ACVRL1: variants seen among roughly 807,000 people sequenced by gnomAD.
ACVRL1 encodes activin A receptor like type 1.
ACVRL1 carries 20 observed loss-of-function variants against 51.9 expected under a neutral mutation model. That is an observed-to-expected ratio of 0.39 (90% CI 0.27 to 0.56). ACVRL1 has a LOEUF of 0.56. Ranked by LOEUF, ACVRL1 falls within the 20% of genes least tolerant of loss-of-function variation. The pLI is 0.67. For synonymous variants in ACVRL1, 288 were observed against 280.9 expected (o/e 1.03, Z -0.25); for missense variants, 451 against 670.3 (o/e 0.67, Z 3.61).
rs753624883 is a variant in ACVRL1 at position 51,913,326 on chromosome 12, CACA to C, written c.292_294del (p.Asn98del). On this transcript the variant is annotated inframe_deletion, in exon 3 of 10. Transcript: ENST00000388922. ...CTGCTGCGACAGCCACCTCTGCAAC[CACA>C]ACGTGTCCCTGGTGCTGGAGGGTAC... 2.5e-6 allele frequency: 4 copies of C among 1,612,352 alleles called. No individual in the cohort carries two copies. The highest frequency in any genetic ancestry group is 3.4e-6 in the Non-Finnish European group (4 of 1,179,570).
intron 9 of ACVRL1, among the ~76,000 whole-genome samples, chr12:51,919,786 A>G (rs1940926543): frequency 6.6e-6 from 1 of 152,144 alleles, no homozygotes; most frequent in Admixed American, 6.5e-5. Context: ...TTGTACAAAG[A>G]CACACACACG....
intron 1 of ACVRL1, among the ~76,000 whole-genome samples, chr12:51,909,522 T>C (rs1364580520): frequency 6.6e-6 from 1 of 151,702 alleles, no homozygotes; most frequent in Non-Finnish European, 1.5e-5. Flanking sequence ...ACAAAAACGC[T>C]GTCTTCATTT....
chr12:51,909,325 C>A (rs1940648877), intron 1 of ACVRL1, among the ~76,000 whole-genome samples: 1 of 152,012 alleles, frequency 6.6e-6, no homozygotes, highest in Admixed American at 6.5e-5. Flanking sequence ...CATAGTGAGA[C>A]CCTATCTCTA....
chr12:51,913,379 C>A, intron 3 of ACVRL1, 29 bp downstream of exon 3: 1 of 1,608,684 alleles, frequency 6.2e-7, no homozygotes, highest in South Asian at 1.1e-5. Flanking sequence ...GCACTCCCTC[C>A]CCATCTTCTT....
chr12:51,908,868 C>G (rs1180991216), intron 1 of ACVRL1, among the ~76,000 whole-genome samples: 1 of 152,202 alleles, frequency 6.6e-6, no homozygotes, highest in Non-Finnish European at 1.5e-5. Flanking sequence ...AGAGCCCACA[C>G]CCTAACCTCT....
In ACVRL1 at chr12:51,921,012, C is replaced by G; in HGVS notation, c.*119C>G. The stretch of plus-strand genomic sequence containing the variant: ...GGTGTGTGCTGGGGATGGGCAGCTG[C>G]GCCTGCCTGCTCGGCCCCCAGCCCA... On this transcript the variant is annotated 3_prime_UTR_variant, in exon 10 of 10. Transcript: ENST00000388922. 3 of 1,252,306 alleles carry G rather than the reference C, an allele frequency of 2.4e-6. No individual in the cohort carries two copies. Among genetic ancestry groups the G allele is most frequent in the Non-Finnish European group, 3.4e-6 (3 of 891,396 alleles). 77.6% of individuals were successfully genotyped at this position (1,252,306 alleles called of 1,614,324 possible). A position where few individuals can be genotyped will look rare whatever the true frequency, so the allele number is the denominator to read the frequency against.
chr12:51,909,917 T>C (rs979238247), intron 1 of ACVRL1, among the ~76,000 whole-genome samples: 1 of 152,220 alleles, frequency 6.6e-6, no homozygotes, highest in Non-Finnish European at 1.5e-5. Flanking sequence ...TGGCCAACAA[T>C]AGTGATGCTT....
chr12:51,916,958 A>C (rs1265698302), intron 8 of ACVRL1, among the ~76,000 whole-genome samples: 3 of 152,248 alleles, frequency 2.0e-5, no homozygotes, highest in Non-Finnish European at 4.4e-5. Context: ...TGGGCGACAG[A>C]GTGAGACCCT....
rs771469803 is a variant in ACVRL1 at position 51,913,964 on chromosome 12, G to A, written c.526-10G>A. The A allele has an allele frequency of 1.4e-5, 23 of 1,612,132 alleles. No individual in the cohort carries two copies. The highest frequency in any genetic ancestry group is 5.3e-5 in the African/African-American group (4 of 74,866). On this transcript the variant is annotated splice_polypyrimidine_tract_variant and intron_variant, in intron 4 of 9. Transcript: ENST00000388922. Reference sequence around the variant, plus strand: ...GTGGCAGCCTCTCAGTGGCCTCTCCGTACCCCCAGGACCTCCTGGACAGTG... The same window carrying A: ...GTGGCAGCCTCTCAGTGGCCTCTCCATACCCCCAGGACCTCCTGGACAGTG...
chr12:51,915,574 G>A, intron 7 of ACVRL1, 74 bp downstream of exon 7: 1 of 1,524,302 alleles, frequency 6.6e-7, no homozygotes. Context: ...CTTTGCCTGT[G>A]GGCGGTGACC....
chr12:51,908,675 C>T (rs897743511), intron 1 of ACVRL1, among the ~76,000 whole-genome samples: 1 of 152,146 alleles, frequency 6.6e-6, no homozygotes, highest in African/African-American at 2.4e-5. Context: ...CATTTCAGTG[C>T]TTACTGTGTA....
Position 51,914,933 on chromosome 12 carries a change from G to A in ACVRL1, c.773-292G>A, listed in dbSNP as rs117087866. On this transcript the variant is annotated intron_variant, in intron 6 of 9. Transcript: ENST00000388922. ...TAACTTTTTTATTTTTTGTAGAGAC[G>A]AGGTCTCCCTATGTTTCCCAGACTG... Among the ~76,000 whole-genome samples, 3,817 of 151,920 alleles carry A rather than the reference G, an allele frequency of 0.025. 51 individuals carry two copies. The highest frequency in any genetic ancestry group is 0.041 in the Non-Finnish European group (2,764 of 67,956).
chr12:51,916,507 G>A (rs752743953), intron 8 of ACVRL1, among the ~76,000 whole-genome samples: 2 of 152,250 alleles, frequency 1.3e-5, no homozygotes, highest in African/African-American at 4.8e-5. Context: ...GCTTAAATAT[G>A]TGCCAGATGC....
At position 51,913,148 on chromosome 12, in the gene ACVRL1, G is replaced by A. The variant is rs781586192; in HGVS notation, c.111G>A (p.Glu37=). Reference sequence around the variant, plus strand: ...GCCCGCTGGTGACCTGCACGTGTGAGAGCCCACATTGCAAGGGGCCTACCT... The same window carrying A: ...GCCCGCTGGTGACCTGCACGTGTGAAAGCCCACATTGCAAGGGGCCTACCT... ...SRGPLVTCTC[E]SPHCKGPTCR... is the part of the protein sequence containing the mutation. The change falls in exon 3 of 10, where the codon GAG becomes GAA. Residue 37 remains glutamate, a synonymous_variant. Transcript: ENST00000388922. 8.7e-6 allele frequency: 14 copies of A among 1,607,170 alleles called. No individual in the cohort carries two copies. The Admixed American group carries it at 2.4e-4, about 27-fold the overall frequency.
In ACVRL1 at chr12:51,917,272, T is replaced by C. The variant is rs771133409; in HGVS notation, c.1246+1039T>C. ...ACCTCTCTGGCCCTTGATTTCCTCATGCACGCAATGCATGTGAGTGCCTGC... is the reference window on the plus strand; with the variant it reads ...ACCTCTCTGGCCCTTGATTTCCTCACGCACGCAATGCATGTGAGTGCCTGC... On this transcript the variant is annotated intron_variant, in intron 8 of 9. Transcript: ENST00000388922. This position sits in a 1 kb window ranked among gnomAD's most constrained non-coding sequence, Gnocchi z 4.2. 6.6e-5 allele frequency among the ~76,000 whole-genome samples: 10 copies of C among 152,226 alleles called. No individual in the cohort carries two copies. The highest frequency in any genetic ancestry group is 1.3e-4 in the Admixed American group (2 of 15,288).
chr12:51,915,382 G>A lies in ACVRL1; in HGVS notation c.930G>A (p.Leu310=). Residue 310 remains leucine (L), a synonymous_variant, in exon 7 of 10, where the codon CTG becomes CTA. Transcript: ENST00000388922. ...TAGCTGTGTCCGCGGCATGCGGCCT[G>A]GCGCACCTGCACGTGGAGATCTTCG... ...LRLAVSAACG[L]AHLHVEIFGT... 1 of 1,614,042 alleles carries A rather than the reference G, an allele frequency of 6.2e-7. No homozygotes were observed. Among genetic ancestry groups the A allele is most frequent in the South Asian group, 1.1e-5 (1 of 91,090 alleles).
intron 1 of ACVRL1, among the ~76,000 whole-genome samples, chr12:51,912,164 C>A (rs964489424): frequency 6.6e-6 from 1 of 152,178 alleles, no homozygotes; most frequent in African/African-American, 2.4e-5. Context: ...CTCCCTGCGG[C>A]TCTCCCAACC....
intron 6 of ACVRL1, 56 bp downstream of exon 6, chr12:51,914,641 G>A (rs1162894044): frequency 1.9e-6 from 3 of 1,567,366 alleles, no homozygotes; most frequent in East Asian, 2.4e-5. Flanking sequence ...TGCACTCAGG[G>A]CTCAAGTTTG....
chr12:51,907,366 C>T (rs1053167705), upstream of ACVRL1: 1 of 152,310 alleles, frequency 6.6e-6, no homozygotes, highest in African/African-American at 2.4e-5. The surrounding 1 kb of genome is among the most constrained non-coding windows in gnomAD (Gnocchi z 4.5). Flanking sequence ...GGGTCCCGGT[C>T]CTGCAGCCCC....
Sources: gnomAD v4.1 joint callset for allele counts (sites outside exome capture counted in the v4.1 genomes callset) on GRCh38, gnomAD v4.1.1 for gene constraint, Gnocchi (gnomAD v3.1) non-coding constraint, MANE v1.5 for transcripts, NCBI Gene and HGNC (gene_info 2026-07-23, HGNC 2026-07-21) for gene names.